The following CLEC16A variants were observed in gnomAD, a reference collection of about 807,000 sequenced individuals.
CLEC16A encodes C-type lectin domain containing 16A.
Under a neutral mutation model 109.5 loss-of-function variants are expected in CLEC16A, and 51 were observed. The observed-to-expected ratio is 0.47, with a 90% CI of 0.37 to 0.59. The LOEUF is 0.59. CLEC16A is among the 20% of genes least tolerant of loss of function. CLEC16A has a pLI of 0.00. For missense variants in CLEC16A, 1,339 were observed against 1,394.0 expected, an observed-to-expected ratio of 0.96 and a Z score of 0.63; for synonymous variants, 673 against 564.2, an observed-to-expected ratio of 1.19 and a Z score of -2.73.
chr16:10,975,888 G>A (rs891425693), intron 7 of CLEC16A, among the ~76,000 whole-genome samples: 1 of 152,066 alleles, frequency 6.6e-6, no homozygotes, highest in Non-Finnish European at 1.5e-5. Flanking sequence ...CTGACCTAAA[G>A]CAATCTGCCT....
At chr16:11,176,759 T>C (rs189017924) in intron 23 of CLEC16A, among the ~76,000 whole-genome samples, 14 of 152,110 alleles carry the variant, frequency 9.2e-5, no homozygotes, top group Middle Eastern at 3.4e-3. Context: ...AGAAATGAAA[T>C]GAATTGTGAC....
intron 22 of CLEC16A, among the ~76,000 whole-genome samples, chr16:11,134,493 C>T (rs1475575091): frequency 6.6e-6 from 1 of 152,192 alleles, no homozygotes; most frequent in Non-Finnish European, 1.5e-5. Flanking sequence ...TGTACCTCCC[C>T]TTCCTGCCTC....
chr16:11,139,111 C>T (rs2053705029), intron 22 of CLEC16A, among the ~76,000 whole-genome samples: 1 of 152,172 alleles, frequency 6.6e-6, no homozygotes, highest in African/African-American at 2.4e-5. Context: ...CAACTTCTGA[C>T]CCAACAGTCC....
intron 13 of CLEC16A, among the ~76,000 whole-genome samples, chr16:11,034,664 C>T (rs1418627601): frequency 6.6e-6 from 1 of 152,034 alleles, no homozygotes; most frequent in Non-Finnish European, 1.5e-5. Context: ...GGGCTGTGGG[C>T]GGGGCAGGGA....
chr16:11,128,894 C>A (rs2053009136), intron 22 of CLEC16A, among the ~76,000 whole-genome samples: 1 of 152,246 alleles, frequency 6.6e-6, no homozygotes. Context: ...TCCCTAGCTT[C>A]CATTCAGCCA....
intron 3 of CLEC16A, among the ~76,000 whole-genome samples, chr16:10,968,459 C>T (rs1428971861): frequency 6.6e-6 from 1 of 152,158 alleles, no homozygotes; most frequent in African/African-American, 2.4e-5. Context: ...CCCCAGTGCC[C>T]TTGGGCCCTC....
chr16:11,024,516 C>G (rs546646840), intron 12 of CLEC16A: 18 of 295,038 alleles, frequency 6.1e-5, no homozygotes, highest in Non-Finnish European at 1.2e-4. Context: ...CCAGCTGACA[C>G]GGGAGCTTTG....
rs145813073 is a variant in CLEC16A, at chr16:10,967,237, C to T, written c.344-1924C>T. ...GGCTTCCATCACGATCCCGGGCTCC[C>T]AGATTCCTCTTTGTGGTGTTTTTGA... On this transcript the variant is annotated intron_variant, in intron 3 of 23. Coordinates refer to ENST00000409790, the MANE Select transcript of CLEC16A (RefSeq NM_015226.3). Among the ~76,000 whole-genome samples, 45 of 152,286 alleles carry T rather than the reference C, an allele frequency of 3.0e-4. No homozygotes were observed. In the East Asian group the frequency reaches 8.3e-3, roughly 28 times the overall value.
rs777349520 is a variant in CLEC16A at position 10,972,570 on chromosome 16, A to C, written c.604+11A>C. Reference sequence around the variant, plus strand: ...TTATTCCAGTGTCATGTAAGTTATTAACCTCTGGTTTTCTGCTTTCTTAAT... The same window carrying C: ...TTATTCCAGTGTCATGTAAGTTATTCACCTCTGGTTTTCTGCTTTCTTAAT... On this transcript the variant is annotated intron_variant, in intron 6 of 23. Transcript: ENST00000409790. 6.2e-7 allele frequency: 1 copy of C among 1,611,074 alleles called. No homozygotes were observed. Among genetic ancestry groups the C allele is most frequent in the South Asian group, 1.1e-5 (1 of 90,834 alleles).
At chr16:10,971,770 C>T (rs745670899) in intron 5 of CLEC16A, among the ~76,000 whole-genome samples, 3 of 152,192 alleles carry the variant, frequency 2.0e-5, no homozygotes, top group East Asian at 1.9e-4. Flanking sequence ...CCCCACTCTC[C>T]GCTGCACTGA....
At position 11,180,078 on chromosome 16, in the gene CLEC16A, G is replaced by T. The variant is rs1175065772; in HGVS notation, c.*1388G>T. On this transcript the variant is annotated 3_prime_UTR_variant, in exon 24 of 24. Transcript: ENST00000409790. ...CTTTCCTCCAGACCTGCCAGCAGAT[G>T]TGCCCACCAGGGGCATTAGGTATCC... 6.6e-6 allele frequency: 1 copy of T among 152,308 alleles called. No homozygotes were observed. Among genetic ancestry groups the T allele is most frequent in the Non-Finnish European group, 1.5e-5 (1 of 68,124 alleles). The allele number at this position is 152,308 out of a possible 1,614,324, so 9.4% of individuals were successfully genotyped here. A position where few individuals can be genotyped will look rare whatever the true frequency, so the allele number is the denominator to read the frequency against.
At chr16:11,003,910 G>A (rs904877754) in intron 11 of CLEC16A, among the ~76,000 whole-genome samples, 1 of 144,934 alleles carries the variant, frequency 6.9e-6, no homozygotes, top group African/African-American at 2.6e-5. Context: ...AAGGTGGGAG[G>A]ATCACTTGAG....
intron 10 of CLEC16A, among the ~76,000 whole-genome samples, chr16:10,997,973 A>G (rs1332230118): frequency 6.6e-6 from 1 of 152,210 alleles, no homozygotes; most frequent in Non-Finnish European, 1.5e-5. Flanking sequence ...TTTGTTTGAC[A>G]TCTGTCTTCT....
chr16:11,020,239 C>A lies in CLEC16A; in HGVS notation c.1350C>A (p.Ala450=). 1.2e-6 allele frequency: 2 copies of A among 1,613,742 alleles called. No individual in the cohort carries two copies. The highest frequency in any genetic ancestry group is 1.7e-6 in the Non-Finnish European group (2 of 1,179,754). ...AGCGTAGCAAGCTCTCAGAGCTGGC[C>A]GCCAGCACCTCCGTGCAGGAGCAGA... ...IMERSKLSEL[A]ASTSVQEQNT... The change falls in exon 12 of 24, where the codon GCC becomes GCA. Residue 450 remains alanine (A), a synonymous_variant. Coordinates refer to ENST00000409790, the MANE Select transcript of CLEC16A (RefSeq NM_015226.3).
In CLEC16A at chr16:11,166,523, C is replaced by T. The variant is rs1298354173; in HGVS notation, c.2777C>T (p.Ser926Phe). 3 of 1,606,504 alleles carry T rather than the reference C, an allele frequency of 1.9e-6. No individual in the cohort carries two copies. The highest frequency in any genetic ancestry group is 8.5e-7 in the Non-Finnish European group (1 of 1,178,304). ...GACTCTGGAGGCACCAGCTCGTCCT[C>T]CACCCCCTCCACAGCCCAGAGTCCA... is the stretch of plus-strand genomic sequence containing the variant. Reference protein sequence around the residue: ...HCDSGGTSSSSTPSTAQSPAD... With the variant: ...HCDSGGTSSSFTPSTAQSPAD... The change falls in exon 23 of 24, where the codon TCC becomes TTC. Residue 926 changes from serine (S) to phenylalanine (F), a missense_variant. Physicochemically the swap from Ser to Phe is radical, Grantham distance 155. Transcript: ENST00000409790.
chr16:10,985,993 ACTG>A (rs2043624283), intron 10 of CLEC16A, among the ~76,000 whole-genome samples: 1 of 134,234 alleles, frequency 7.4e-6, no homozygotes, highest in South Asian at 2.4e-4. Flanking sequence ...AGTGTGAGAC[ACTG>A]CACCTGGCCT....
At chr16:11,020,362 A>G in intron 12 of CLEC16A, 37 bp downstream of exon 12, 1 of 1,566,452 alleles carries the variant, frequency 6.4e-7, no homozygotes, top group South Asian at 1.2e-5. Flanking sequence ...GTGCTCTCTC[A>G]GGGAAGAGGA....
At chr16:11,131,288 C>G (rs2053192504) in intron 22 of CLEC16A, among the ~76,000 whole-genome samples, 1 of 152,232 alleles carries the variant, frequency 6.6e-6, no homozygotes, top group African/African-American at 2.4e-5. Flanking sequence ...GAGATAGAAT[C>G]TGTCATGATG....
chr16:11,003,187 C>T lies in CLEC16A; in HGVS notation c.1185C>T (p.Asn395=), dbSNP rs770709204. The T allele has an allele frequency of 1.6e-5, 26 of 1,613,012 alleles. No individual in the cohort carries two copies. Among genetic ancestry groups the T allele is most frequent in the Non-Finnish European group, 2.0e-5 (24 of 1,179,796 alleles). The change falls in exon 11 of 24, where the codon AAC becomes AAT. Residue 395 remains asparagine (N), a synonymous_variant. Transcript: ENST00000409790. ...TGCAAAAGAGACCCAACTACAAAAA[C>T]GTTGGGGAAGAAGAAGATGAGGAGA... ...RRVQKRPNYK[N]VGEEEDEEKG...
Sources: gnomAD v4.1 joint callset for allele counts (sites outside exome capture counted in the v4.1 genomes callset) on GRCh38, gnomAD v4.1.1 for gene constraint, MANE v1.5 for transcripts, NCBI Gene and HGNC (gene_info 2026-07-23, HGNC 2026-07-21) for gene names.